Variants in FERRY3 observed in about 807,000 individuals in gnomAD.
FERRY3 encodes protein C12orf4.
chr12:4,517,402 A>C, the FERRY3 span, among the ~76,000 whole-genome samples: 22 of 152,048 alleles, frequency 1.4e-4, no homozygotes, highest in Non-Finnish European at 2.6e-4. Flanking sequence ...AAAAGAGTTA[A>C]TTATATTGAC....
At chr12:4,517,965 A>T in the FERRY3 span, 9 of 1,167,562 alleles carry the variant, frequency 7.7e-6, 1 homozygote, top group African/African-American at 1.5e-5. Flanking sequence ...GGTGATTAAA[A>T]TTTTTTTTCA....
At chr12:4,497,322 G>T in the FERRY3 span, among the ~76,000 whole-genome samples, 5,099 of 152,192 alleles carry the variant, frequency 0.034, 279 homozygotes, top group African/African-American at 0.11. Flanking sequence ...CATAATTTTT[G>T]AGATGAAAAC....
the FERRY3 span, among the ~76,000 whole-genome samples, chr12:4,491,814 A>T: frequency 6.6e-6 from 1 of 152,286 alleles, no homozygotes; most frequent in Admixed American, 6.5e-5. Context: ...CCCCTTCACA[A>T]ACACCAGAAT....
chr12:4,510,652 G>A, the FERRY3 span, among the ~76,000 whole-genome samples: 1,290 of 147,702 alleles, frequency 8.7e-3, 3 homozygotes, highest in African/African-American at 0.012. Context: ...ACTAAGCTTC[G>A]TAAGTGAAGG....
chr12:4,536,547 G>A, the FERRY3 span, among the ~76,000 whole-genome samples: 11 of 152,178 alleles, frequency 7.2e-5, no homozygotes, highest in African/African-American at 2.7e-4. Context: ...GAGAGTTCAT[G>A]GGTGGGGAAA....
chr12:4,510,000 A>C, the FERRY3 span, among the ~76,000 whole-genome samples: 1 of 137,952 alleles, frequency 7.2e-6, no homozygotes, highest in Middle Eastern at 3.6e-3. Flanking sequence ...ACTTTGAAAA[A>C]AATTTAGAAG....
At chr12:4,507,368 A>G in the FERRY3 span, among the ~76,000 whole-genome samples, 1 of 152,210 alleles carries the variant, frequency 6.6e-6, no homozygotes, top group Non-Finnish European at 1.5e-5. Flanking sequence ...ATACTTCTAT[A>G]GGGATTTTCT....
chr12:4,516,986 A>G, the FERRY3 span: 3 of 1,196,324 alleles, frequency 2.5e-6, no homozygotes, highest in Non-Finnish European at 3.3e-6. Flanking sequence ...ATAATTTTCT[A>G]TATGATCTTA....
the FERRY3 span, chr12:4,518,764 AC>A: frequency 6.9e-7 from 1 of 1,453,830 alleles, no homozygotes; most frequent in African/African-American, 1.4e-5. Flanking sequence ...AAAAAAATTA[AC>A]ACACTTACCT....
the FERRY3 span, among the ~76,000 whole-genome samples, chr12:4,524,668 T>A: frequency 6.6e-6 from 1 of 152,156 alleles, no homozygotes; most frequent in Non-Finnish European, 1.5e-5. Context: ...AAATATTAAT[T>A]CTCAAACATA....
chr12:4,514,359 T>A, the FERRY3 span, among the ~76,000 whole-genome samples: 7 of 151,846 alleles, frequency 4.6e-5, no homozygotes, highest in Non-Finnish European at 8.8e-5. Flanking sequence ...TATCTAGAAC[T>A]TAGAAATACC....
chr12:4,492,056 T>A, the FERRY3 span, among the ~76,000 whole-genome samples: 6 of 151,982 alleles, frequency 3.9e-5, no homozygotes, highest in South Asian at 2.1e-4. Flanking sequence ...TCTAAAAAAA[T>A]TTTTTTTTAA....
At chr12:4,489,909 G>GA in the FERRY3 span, 3 of 1,513,630 alleles carry the variant, frequency 2.0e-6, no homozygotes, top group East Asian at 2.3e-5. Flanking sequence ...TCTGTAAGAC[G>GA]AAAAAATAAT....
At chr12:4,505,296 A>G in the FERRY3 span, 1 of 1,523,728 alleles carries the variant, frequency 6.6e-7, no homozygotes, top group African/African-American at 1.4e-5. Flanking sequence ...AAATAAAAAG[A>G]AATACTTACC....
chr12:4,532,744 CCACTTAGCTT>C, the FERRY3 span, among the ~76,000 whole-genome samples: 1 of 152,140 alleles, frequency 6.6e-6, no homozygotes, highest in Admixed American at 6.5e-5. Flanking sequence ...CCATCAACTG[CCACTTAGCTT>C]CACTTCTTTC....
chr12:4,503,145 C>A, the FERRY3 span, among the ~76,000 whole-genome samples: 2 of 152,194 alleles, frequency 1.3e-5, no homozygotes, highest in African/African-American at 2.4e-5. Context: ...TGCTCCTAAT[C>A]CCCAAATTGG....
At chr12:4,507,859 T>A in the FERRY3 span, among the ~76,000 whole-genome samples, 1 of 152,114 alleles carries the variant, frequency 6.6e-6, no homozygotes, top group South Asian at 2.1e-4. Flanking sequence ...ACACATACAC[T>A]TGCTTACACA....
chr12:4,509,887 A>G, the FERRY3 span, among the ~76,000 whole-genome samples: 90 of 140,502 alleles, frequency 6.4e-4, 6 homozygotes, highest in Non-Finnish European at 1.2e-3. Context: ...AATGGAACAA[A>G]GCTGGATGGA....
chr12:4,500,930 C>T, the FERRY3 span, among the ~76,000 whole-genome samples: 1,474 of 152,320 alleles, frequency 9.7e-3, 24 homozygotes, highest in African/African-American at 0.034. Context: ...GGATTACAGG[C>T]GTGGGCCACC....
Sources: gnomAD v4.1 joint callset for allele counts (sites outside exome capture counted in the v4.1 genomes callset) on GRCh38, gnomAD v4.1.1 for gene constraint, MANE v1.5 for transcripts, NCBI Gene and HGNC (gene_info 2026-07-23, HGNC 2026-07-21) for gene names.